Variants in TTC34 observed in about 807,000 individuals in gnomAD.
The protein encoded by TTC34 is tetratricopeptide repeat protein 34.
A neutral mutation model predicts 40.7 loss-of-function variants in TTC34; 44 were observed. The ratio of observed to expected loss-of-function variants is 1.08; its 90% CI spans 0.85 to 1.39. The LOEUF (loss-of-function observed/expected upper bound fraction) is 1.39. Ranked by LOEUF, TTC34 falls within the 40% of genes most tolerant of loss-of-function variation. The pLI is 0.00. For missense variants in TTC34, 884 were observed against 838.0 expected (o/e 1.05, Z -0.68); for synonymous variants, 422 against 398.6 (o/e 1.06, Z -0.70).
At chr1:2,756,747 C>T (rs1438760600) in intron 6 of TTC34, among the ~76,000 whole-genome samples, 1 of 135,562 alleles carries the variant, frequency 7.4e-6, no homozygotes, top group South Asian at 2.4e-4. Context: ...GCACGCACAC[C>T]CCCAGTTGAG....
At chr1:2,643,696 T>TA (rs2100987024) in intron 8 of TTC34, among the ~76,000 whole-genome samples, 1 of 152,324 alleles carries the variant, frequency 6.6e-6, no homozygotes, top group Non-Finnish European at 1.5e-5. Flanking sequence ...AACTGCCCCT[T>TA]ACACTGGTGT....
At chr1:2,752,474 C>T (rs1641354788) in intron 6 of TTC34, among the ~76,000 whole-genome samples, 1 of 147,400 alleles carries the variant, frequency 6.8e-6, no homozygotes, top group Admixed American at 6.8e-5. Context: ...ACGTGACAGC[C>T]TGGAACAGCA....
intron 6 of TTC34, among the ~76,000 whole-genome samples, chr1:2,687,580 T>C (rs1172467337): frequency 7.4e-6 from 1 of 134,824 alleles, no homozygotes; most frequent in East Asian, 2.4e-4. Context: ...CAGGTGACGA[T>C]CTGACAGCCT....
intron 8 of TTC34, among the ~76,000 whole-genome samples, chr1:2,642,226 ACCT>A (rs1361168481): frequency 6.6e-6 from 1 of 151,592 alleles, no homozygotes; most frequent in East Asian, 1.9e-4. Flanking sequence ...ACCTGGATTT[ACCT>A]CCTCATGGTC....
exon 3 of TTC34, chr1:2,790,235 G>T: frequency 2.5e-6 from 1 of 398,434 alleles, no homozygotes; most frequent in Middle Eastern, 6.3e-4. Context: ...CCGCGCCCCA[G>T]AGGGGCTCTC....
intron 6 of TTC34, among the ~76,000 whole-genome samples, chr1:2,675,467 T>G (rs1475355167): frequency 6.4e-4 from 43 of 67,002 alleles, no homozygotes; most frequent in African/African-American, 8.5e-4. Flanking sequence ...TGACAGCATG[T>G]AACAGCACCC....
chr1:2,749,242 C>A (rs1266711180), intron 6 of TTC34, among the ~76,000 whole-genome samples: 10 of 32,136 alleles, frequency 3.1e-4, no homozygotes, highest in African/African-American at 2.4e-3. Flanking sequence ...AGCACCCACA[C>A]CCCCATGTGA....
intron 6 of TTC34, among the ~76,000 whole-genome samples, chr1:2,749,483 TCCCCAGGTGAGCATTGGACAGC>T (rs1641247410): frequency 1.8e-5 from 1 of 55,552 alleles, no homozygotes; most frequent in Non-Finnish European, 3.2e-5. Flanking sequence ...AGCACCCACA[TCCCCAGGTGAGCATTGGACAGC>T]CTGGAGCAGC....
intron 5 of TTC34, among the ~76,000 whole-genome samples, chr1:2,785,183 C>G (rs944101891): frequency 6.6e-6 from 1 of 152,170 alleles, no homozygotes; most frequent in African/African-American, 2.4e-5. Context: ...CCAGGTTCCA[C>G]GTGGCAGCCT....
intron 6 of TTC34, among the ~76,000 whole-genome samples, chr1:2,651,746 C>G (rs1344966809): frequency 6.6e-6 from 1 of 151,702 alleles, no homozygotes; most frequent in South Asian, 2.1e-4. Context: ...ATCTGACAAC[C>G]TAGAACAGCA....
chr1:2,797,347 T>C (rs1355040561), intron 2 of TTC34, among the ~76,000 whole-genome samples: 2 of 152,214 alleles, frequency 1.3e-5, no homozygotes, highest in Admixed American at 6.5e-5. Context: ...CCGCAGTGCC[T>C]TGCAGGACAC....
At chr1:2,778,572 A>T (rs559456340) in intron 6 of TTC34, among the ~76,000 whole-genome samples, 2 of 152,100 alleles carry the variant, frequency 1.3e-5, no homozygotes, top group Non-Finnish European at 2.9e-5. Context: ...GTTCAGCCAC[A>T]TCTCCTCTCC....
chr1:2,695,709 C>A (rs1640830846), intron 6 of TTC34, among the ~76,000 whole-genome samples: 4 of 150,350 alleles, frequency 2.7e-5, no homozygotes, highest in Non-Finnish European at 4.5e-5. Context: ...TGGAACAGCA[C>A]CCACACCCCC....
At chr1:2,685,501 A>C (rs1453977379) in intron 6 of TTC34, among the ~76,000 whole-genome samples, 290 of 67,544 alleles carry the variant, frequency 4.3e-3, no homozygotes, top group East Asian at 6.6e-3. Flanking sequence ...ATCTGACACC[A>C]TGGAGCAGCA....
intron 6 of TTC34, among the ~76,000 whole-genome samples, chr1:2,759,979 A>ACGGTC (rs1641641980): frequency 1.7e-5 from 2 of 116,968 alleles, no homozygotes; most frequent in African/African-American, 7.6e-5. Flanking sequence ...TGAGCATCTG[A>ACGGTC]TGGTCTGGAG....
intron 6 of TTC34, among the ~76,000 whole-genome samples, chr1:2,757,359 A>C (rs1641540833): frequency 1.3e-5 from 1 of 75,088 alleles, no homozygotes; most frequent in Non-Finnish European, 2.4e-5. Context: ...CCCCCAGGGG[A>C]GCATCCGACA....
intron 2 of TTC34, among the ~76,000 whole-genome samples, chr1:2,795,818 A>G (rs2100634836): frequency 6.6e-6 from 1 of 152,326 alleles, no homozygotes; most frequent in Middle Eastern, 3.4e-3. Flanking sequence ...GGAAAGTGGT[A>G]TTTATTCTGT....
At chr1:2,772,773 AC>A (rs1317483405) in intron 6 of TTC34, among the ~76,000 whole-genome samples, 7 of 43,190 alleles carry the variant, frequency 1.6e-4, no homozygotes, top group African/African-American at 4.6e-4. Flanking sequence ...AGCACTCCAC[AC>A]CCCCAGGTGA....
rs565140762 is a variant in TTC34, at chr1:2,767,957, C to G, written c.2226+15652G>C. ...AAGGTGGGCATCCGATGGCATGGAA[C>G]AGCACCCCCACTCACAGGTGATGTG... is the stretch of plus-strand genomic sequence containing the variant. On this transcript the variant is annotated intron_variant, in intron 6 of 8. Transcript: ENST00000401095. 1.3e-3 allele frequency among the ~76,000 whole-genome samples: 202 copies of G among 150,200 alleles called. 5 individuals are homozygous for G. The highest frequency in any genetic ancestry group is 4.9e-4 in the Non-Finnish European group (33 of 67,386).
Sources: allele counts gnomAD v4.1 joint callset (sites outside exome capture counted in the v4.1 genomes callset), GRCh38; gene constraint gnomAD v4.1.1; transcripts MANE v1.5; gene names NCBI Gene and HGNC (gene_info 2026-07-23, HGNC 2026-07-21).